NEK1: variants seen among roughly 807,000 people sequenced by gnomAD.
NEK1 encodes NIMA related kinase 1, also known as serine/threonine-protein kinase Nek1.
Under a neutral mutation model 182.1 loss-of-function variants are expected in NEK1, and 137 were observed. That is an observed-to-expected ratio of 0.75 (90% CI 0.65 to 0.87). The LOEUF (loss-of-function observed/expected upper bound fraction) is 0.87. Among genes scored for constraint, NEK1 ranks in the 40% least tolerant of loss-of-function variants. NEK1 has a pLI of 0.00. For missense variants in NEK1, 1,391 were observed against 1,494.4 expected (o/e 0.93, Z 1.14); for synonymous variants, 513 against 492.2 (o/e 1.04, Z -0.56).
At chr4:169,423,936 T>C (rs1735920501) in intron 31 of NEK1, among the ~76,000 whole-genome samples, 1 of 152,174 alleles carries the variant, frequency 6.6e-6, no homozygotes. Flanking sequence ...TAATATATAT[T>C]GAATAGAAAA....
intron 31 of NEK1, among the ~76,000 whole-genome samples, chr4:169,419,864 G>GTA (rs1189515135): frequency 6.6e-6 from 1 of 152,050 alleles, no homozygotes; most frequent in Non-Finnish European, 1.5e-5. Flanking sequence ...AAACACTAAG[G>GTA]TATAGTCAAA....
At chr4:169,577,708 T>C (rs918831964) in intron 11 of NEK1, among the ~76,000 whole-genome samples, 5 of 151,898 alleles carry the variant, frequency 3.3e-5, no homozygotes, top group African/African-American at 9.7e-5. Flanking sequence ...GAGCCGAGAT[T>C]GCGCCACTGC....
intron 2 of NEK1, among the ~76,000 whole-genome samples, chr4:169,607,058 A>G (rs1404008809): frequency 1.3e-5 from 2 of 152,242 alleles, no homozygotes; most frequent in African/African-American, 4.8e-5. Context: ...AAAAATCTAC[A>G]GTAAGTTCTG....
chr4:169,610,922 T>C (rs1772221301), intron 2 of NEK1, among the ~76,000 whole-genome samples: 1 of 152,246 alleles, frequency 6.6e-6, no homozygotes, highest in African/African-American at 2.4e-5. Flanking sequence ...TGGGAGGGGA[T>C]CCATTTATCT....
chr4:169,428,543 G>T (rs2149395721), intron 29 of NEK1, among the ~76,000 whole-genome samples: 1 of 151,894 alleles, frequency 6.6e-6, no homozygotes, highest in South Asian at 2.1e-4. Context: ...ACAGAAAGCA[G>T]ATTAGTGGCT....
At chr4:169,546,642 T>C (rs1007244331) in intron 18 of NEK1, among the ~76,000 whole-genome samples, 1 of 152,206 alleles carries the variant, frequency 6.6e-6, no homozygotes, top group South Asian at 2.1e-4. Context: ...GAACTTGCTT[T>C]ATGAATCTGG....
intron 26 of NEK1, among the ~76,000 whole-genome samples, chr4:169,470,765 T>C (rs893980059): frequency 6.6e-6 from 1 of 152,226 alleles, no homozygotes; most frequent in African/African-American, 2.4e-5. Context: ...CAATCAAACA[T>C]AGATTTGGTC....
intron 11 of NEK1, among the ~76,000 whole-genome samples, chr4:169,579,690 G>A (rs780584434): frequency 6.6e-6 from 1 of 151,740 alleles, no homozygotes; most frequent in Non-Finnish European, 1.5e-5. Context: ...TTGGGAGGCC[G>A]AGGCAGGTGA....
At chr4:169,484,337 C>T (rs571672849) in intron 23 of NEK1, among the ~76,000 whole-genome samples, 38 of 152,312 alleles carry the variant, frequency 2.5e-4, no homozygotes, top group South Asian at 1.0e-3. Flanking sequence ...TGAGCCACCG[C>T]GTTTGGCCTG....
At chr4:169,585,587 T>C (rs774065896) in intron 9 of NEK1, 38 bp from the exon 10 acceptor site, 7 of 1,370,582 alleles carry the variant, frequency 5.1e-6, no homozygotes, top group Non-Finnish European at 7.2e-6. Context: ...AGGAAACATA[T>C]ATAAATTGAA....
intron 12 of NEK1, among the ~76,000 whole-genome samples, chr4:169,571,179 A>AAAT (rs1554071075): frequency 1.5e-4 from 21 of 143,368 alleles, no homozygotes; most frequent in Non-Finnish European, 2.1e-4. Flanking sequence ...GATCAATAAA[A>AAAT]AAATAAATAA....
At chr4:169,455,929 A>G (rs969950143) in intron 27 of NEK1, among the ~76,000 whole-genome samples, 3 of 152,350 alleles carry the variant, frequency 2.0e-5, no homozygotes, top group South Asian at 2.1e-4. Flanking sequence ...TCCTCAGTAC[A>G]TGAATCATTC....
chr4:169,401,637 A>G lies in NEK1; in HGVS notation c.3583+15T>C. On this transcript the variant is annotated intron_variant, in intron 33 of 35. Transcript: ENST00000507142. ...AAACTGAAAAAGAAAAAGGTCCAAA[A>G]CTCTGATCATGCACCTGAGTGCCAT... is the stretch of plus-strand genomic sequence containing the variant. The G allele has an allele frequency of 6.2e-7, 1 of 1,609,270 alleles. No homozygotes were observed. Among genetic ancestry groups the G allele is most frequent in the Non-Finnish European group, 8.5e-7 (1 of 1,176,396 alleles).
intron 11 of NEK1, 44 bp downstream of exon 11, chr4:169,580,798 A>T: frequency 1.7e-6 from 2 of 1,145,294 alleles, no homozygotes; most frequent in Non-Finnish European, 2.6e-6. Context: ...ATTAGGGTTG[A>T]TTATTGCAAA....
chr4:169,600,353 C>T (rs1168089137), intron 4 of NEK1, among the ~76,000 whole-genome samples: 1 of 151,970 alleles, frequency 6.6e-6, no homozygotes, highest in Non-Finnish European at 1.5e-5. Flanking sequence ...CCACACCTGG[C>T]TAATTTTTTA....
At position 169,523,952 on chromosome 4, in the gene NEK1, T is replaced by C. The variant is rs183854823; in HGVS notation, c.1665+13857A>G. ...TAAATAAACACAGTATGATTTAAGA[T>C]GAGTTAATAAGAAAGTAACATTTCT... is the stretch of plus-strand genomic sequence containing the variant. On this transcript the variant is annotated intron_variant, in intron 19 of 35. Transcript: ENST00000507142. Among the ~76,000 whole-genome samples the C allele has an allele frequency of 1.3e-5, 2 of 152,216 alleles. 1 individual carries two copies. The highest frequency in any genetic ancestry group is 4.1e-4 in the South Asian group (2 of 4,832).
At position 169,392,964 on chromosome 4, in the gene NEK1, T is replaced by C. The variant is rs1208063326; in HGVS notation, c.*1546A>G. 4 of 152,228 alleles carry C rather than the reference T, an allele frequency of 2.6e-5. No homozygotes were observed. The highest frequency in any genetic ancestry group is 9.6e-5 in the African/African-American group (4 of 41,456). The allele number at this position is 152,228 out of a possible 1,614,324, so 9.4% of individuals were successfully genotyped here. A position where few individuals can be genotyped will look rare whatever the true frequency, so the allele number is the denominator to read the frequency against. On this transcript the variant is annotated 3_prime_UTR_variant, in exon 36 of 36. Coordinates refer to ENST00000507142, the MANE Select transcript of NEK1 (RefSeq NM_001199397.3). ...TCACACACTGCTAATCGACTGGAGA[T>C]GGCACAAATCTTATTGATCATCCTT...
intron 12 of NEK1, among the ~76,000 whole-genome samples, chr4:169,569,480 C>CTCTCTCCT (rs1301925339): frequency 6.9e-6 from 1 of 143,920 alleles, no homozygotes; most frequent in African/African-American, 2.6e-5. Flanking sequence ...CCCTCTCTCC[C>CTCTCTCCT]TCTCTCCCTC....
In NEK1 at chr4:169,508,252, T is replaced by C. The variant is rs772063755; in HGVS notation, c.1829A>G (p.Glu610Gly). 6.3e-6 allele frequency: 10 copies of C among 1,587,146 alleles called. No individual in the cohort carries two copies. Among genetic ancestry groups the C allele is most frequent in the Admixed American group, 3.6e-5 (2 of 55,164 alleles). Residue 610 changes from glutamate to glycine, a missense_variant, in exon 21 of 36, where the codon GAA becomes GGA. Physicochemically the swap from Glu to Gly is moderately conservative, Grantham distance 98 (BLOSUM62 -2). Coordinates refer to ENST00000507142, the MANE Select transcript of NEK1 (RefSeq NM_001199397.3). ...RQQIKAKLRG[E>G]KKEANHSEGQ... The stretch of plus-strand genomic sequence containing the variant: ...AAAAATAGCTTTTCAACCTACCTTT[T>C]CACCACGAAGTTTGGCTTTAATCTG...
Sources: gnomAD v4.1 joint callset for allele counts (sites outside exome capture counted in the v4.1 genomes callset) on GRCh38, gnomAD v4.1.1 for gene constraint, MANE v1.5 for transcripts, NCBI Gene and HGNC (gene_info 2026-07-23, HGNC 2026-07-21) for gene names.